Variants in RNGTT observed in about 807,000 individuals in gnomAD.
RNGTT encodes the protein mRNA-capping enzyme.
RNGTT carries 33 observed loss-of-function variants against 79.3 expected under a neutral mutation model. That is an observed-to-expected ratio of 0.42 (90% CI 0.32 to 0.56). The LOEUF (loss-of-function observed/expected upper bound fraction) is 0.56, where lower values mean the gene tolerates loss of function less well. Ranked by LOEUF, RNGTT falls within the 20% of genes least tolerant of loss-of-function variation. The pLI is 0.17. For synonymous variants in RNGTT, 222 were observed against 235.9 expected, an observed-to-expected ratio of 0.94 and a Z score of 0.54; for missense variants, 497 against 739.1, an observed-to-expected ratio of 0.67 and a Z score of 3.80.
At chr6:88,628,763 C>T (rs1418574007) in intron 14 of RNGTT, among the ~76,000 whole-genome samples, 6 of 152,080 alleles carry the variant, frequency 3.9e-5, no homozygotes, top group African/African-American at 1.4e-4. Flanking sequence ...ATCTAGAGCT[C>T]TACATCGCAC....
At chr6:88,773,660 A>C (rs1778776674) in intron 12 of RNGTT, among the ~76,000 whole-genome samples, 1 of 152,120 alleles carries the variant, frequency 6.6e-6, no homozygotes, top group African/African-American at 2.4e-5. Flanking sequence ...ATAAAGTCAT[A>C]AATCTATAGC....
intron 6 of RNGTT, among the ~76,000 whole-genome samples, chr6:88,900,424 T>C (rs566428445): frequency 6.6e-6 from 1 of 152,234 alleles, no homozygotes; most frequent in Admixed American, 6.5e-5. Context: ...ATGAGGACAT[T>C]AGTAAATGCC....
intron 11 of RNGTT, among the ~76,000 whole-genome samples, chr6:88,841,379 C>A (rs1436030971): frequency 1.3e-5 from 2 of 152,146 alleles, no homozygotes; most frequent in Non-Finnish European, 2.9e-5. Context: ...CAGCTAATAT[C>A]ATATCCAAAG....
At chr6:88,803,293 T>G (rs1486472978) in intron 11 of RNGTT, among the ~76,000 whole-genome samples, 1 of 152,044 alleles carries the variant, frequency 6.6e-6, no homozygotes, top group Non-Finnish European at 1.5e-5. Context: ...ATGAAAAAGT[T>G]GGCTGGGCAT....
chr6:88,707,550 T>C (rs1020159402), intron 13 of RNGTT, among the ~76,000 whole-genome samples: 2 of 151,718 alleles, frequency 1.3e-5, no homozygotes, highest in African/African-American at 4.8e-5. Context: ...GCAGAAAAAA[T>C]TGAACAGGTA....
At chr6:88,705,164 A>C (rs1030948852) in intron 13 of RNGTT, among the ~76,000 whole-genome samples, 11 of 152,190 alleles carry the variant, frequency 7.2e-5, no homozygotes, top group African/African-American at 2.7e-4. Context: ...GTCTCTTATC[A>C]AAAGCTGTCA....
chr6:88,620,524 T>G (rs1233447728), intron 14 of RNGTT, among the ~76,000 whole-genome samples: 1 of 152,220 alleles, frequency 6.6e-6, no homozygotes, highest in East Asian at 1.9e-4. Context: ...AACATATGCA[T>G]GTTTAACTAT....
At chr6:88,840,236 A>G (rs995328016) in intron 11 of RNGTT, among the ~76,000 whole-genome samples, 7 of 152,198 alleles carry the variant, frequency 4.6e-5, no homozygotes, top group African/African-American at 1.7e-4. Flanking sequence ...TGGTGTTACT[A>G]AGGTCTTACA....
At chr6:88,711,726 T>C (rs1776325762) in intron 13 of RNGTT, among the ~76,000 whole-genome samples, 1 of 152,206 alleles carries the variant, frequency 6.6e-6, no homozygotes, top group South Asian at 2.1e-4. Context: ...GCAACCATAC[T>C]GATAAATACC....
chr6:88,887,440 G>A (rs1782903526), intron 8 of RNGTT, among the ~76,000 whole-genome samples: 2 of 151,960 alleles, frequency 1.3e-5, no homozygotes, highest in Admixed American at 6.6e-5. Context: ...AAATCCTAGT[G>A]CGCAAAAGAT....
intron 12 of RNGTT, among the ~76,000 whole-genome samples, chr6:88,776,365 G>C (rs1489917639): frequency 1.3e-5 from 2 of 150,496 alleles, no homozygotes; most frequent in Non-Finnish European, 2.9e-5. Flanking sequence ...CGTTGCCCAG[G>C]CTGGAGTGCA....
intron 12 of RNGTT, among the ~76,000 whole-genome samples, chr6:88,784,925 T>C (rs1166578812): frequency 6.6e-6 from 1 of 152,142 alleles, no homozygotes; most frequent in Non-Finnish European, 1.5e-5. Context: ...CACATTTGTA[T>C]TTGCTTCTAT....
chr6:88,675,843 A>G (rs2127788583), intron 14 of RNGTT, among the ~76,000 whole-genome samples: 1 of 152,334 alleles, frequency 6.6e-6, no homozygotes, highest in Admixed American at 6.5e-5. Context: ...AAAAAATACA[A>G]AATAGATAAA....
rs1772040911 is a variant in RNGTT, at chr6:88,611,915, T to C, written c.*804A>G. Reference sequence around the variant, plus strand: ...CACTGAGGTAAAGCAGAAGTAGCCCTGGCATTTAAAAAAAGAAGTCTCCCA... The same window carrying C: ...CACTGAGGTAAAGCAGAAGTAGCCCCGGCATTTAAAAAAAGAAGTCTCCCA... On this transcript the variant is annotated 3_prime_UTR_variant, in exon 16 of 16. Transcript: ENST00000369485. The C allele has an allele frequency of 6.6e-6, 1 of 152,602 alleles. No individual in the cohort carries two copies. The highest frequency in any genetic ancestry group is 1.5e-5 in the Non-Finnish European group (1 of 68,038). 9.5% of individuals were successfully genotyped at this position (152,602 alleles called of 1,614,324 possible).
chr6:88,827,703 G>T (rs1415079555), intron 11 of RNGTT, among the ~76,000 whole-genome samples: 1 of 152,132 alleles, frequency 6.6e-6, no homozygotes, highest in Non-Finnish European at 1.5e-5. Flanking sequence ...GAGCTTGGTG[G>T]GGGGAGGGGC....
At chr6:88,685,471 A>G (rs1775241987) in intron 13 of RNGTT, among the ~76,000 whole-genome samples, 1 of 151,946 alleles carries the variant, frequency 6.6e-6, no homozygotes, top group Non-Finnish European at 1.5e-5. Flanking sequence ...TTTTTAAAAA[A>G]TGCAATGTTG....
At chr6:88,714,143 T>G (rs1025994841) in intron 13 of RNGTT, 4 of 152,174 alleles carry the variant, frequency 2.6e-5, no homozygotes, top group Non-Finnish European at 5.9e-5. Context: ...TTAGATTAAT[T>G]AATAACTGGG....
intron 11 of RNGTT, among the ~76,000 whole-genome samples, chr6:88,817,490 TAAAAAAAAAAA>T (rs11354100): frequency 1.1e-4 from 5 of 44,564 alleles, no homozygotes; most frequent in South Asian, 1.0e-3. Flanking sequence ...AAAAAATAAG[TAAAAAAAAAAA>T]AAAAAAAAAA....
At chr6:88,644,028 C>CA (rs1011614514) in intron 14 of RNGTT, among the ~76,000 whole-genome samples, 68 of 151,876 alleles carry the variant, frequency 4.5e-4, no homozygotes, top group African/African-American at 1.5e-3. Flanking sequence ...GAGATAGAGA[C>CA]AAAAAACCCT....
Sources: gnomAD v4.1 joint callset for allele counts (sites outside exome capture counted in the v4.1 genomes callset) on GRCh38, gnomAD v4.1.1 for gene constraint, MANE v1.5 for transcripts, NCBI Gene and HGNC (gene_info 2026-07-23, HGNC 2026-07-21) for gene names.